SUPT20H: variants seen among roughly 807,000 people sequenced by gnomAD.
The protein encoded by SUPT20H is transcription factor SPT20 homolog.
In SUPT20H, 82 loss-of-function variants were observed where a neutral mutation model predicts 122.8. The ratio of observed to expected loss-of-function variants is 0.67; its 90% CI spans 0.56 to 0.80. The LOEUF (loss-of-function observed/expected upper bound fraction) is 0.80. SUPT20H is among the 30% of genes least tolerant of loss of function. The pLI is 0.00. For missense variants in SUPT20H, 831 were observed against 921.6 expected (o/e 0.90, Z 1.27); for synonymous variants, 291 against 313.0 (o/e 0.93, Z 0.74).
rs746776617 is a variant in SUPT20H, at chr13:37,040,418, T to A, written c.554A>T (p.His185Leu). Residue 185 changes from histidine (H) to leucine (L), a missense_variant, in exon 9 of 26, where the codon CAC becomes CTC. Coordinates refer to ENST00000350612, the MANE Select transcript of SUPT20H (RefSeq NM_001014286.3). The stretch of plus-strand genomic sequence containing the variant: ...AAAACAACTAACCTGGGTCCATTTG[T>A]GGTTATCACTTGTTATTGAATGTAC... ...CDVHSITSDN[H>L]KWTQEDKLLL... 1 of 1,574,098 alleles carries A rather than the reference T, an allele frequency of 6.4e-7. No individual in the cohort carries two copies. The highest frequency in any genetic ancestry group is 8.6e-7 in the Non-Finnish European group (1 of 1,168,246).
chr13:37,041,353 T>C (rs1351447902), intron 7 of SUPT20H, among the ~76,000 whole-genome samples: 1 of 151,818 alleles, frequency 6.6e-6, no homozygotes, highest in Non-Finnish European at 1.5e-5. Context: ...GCGTCTCTAC[T>C]AAAAATACAA....
Position 37,033,368 on chromosome 13 carries a change from C to A in SUPT20H, c.707+81G>T. The A allele has an allele frequency of 2.6e-6, 4 of 1,528,638 alleles. No individual in the cohort carries two copies. The South Asian group carries it at 5.1e-5, about 19-fold the overall frequency. The allele number at this position is 1,528,638 out of a possible 1,614,324, so 94.7% of individuals were successfully genotyped here. On this transcript the variant is annotated intron_variant, in intron 10 of 25. Coordinates refer to ENST00000350612, the MANE Select transcript of SUPT20H (RefSeq NM_001014286.3). ...CCCACCAAAATCGGAGCAACCATAC[C>A]CTGGAGGGAAAAGATACTATAAATA...
chr13:37,022,825 C>A lies in SUPT20H; in HGVS notation c.1592-745G>T. 9.4e-7 allele frequency: 1 copy of A among 1,063,036 alleles called. No individual in the cohort carries two copies. Among genetic ancestry groups the A allele is most frequent in the South Asian group, 2.8e-5 (1 of 35,610 alleles). The allele number at this position is 1,063,036 out of a possible 1,614,324, so 65.9% of individuals were successfully genotyped here. On this transcript the variant is annotated intron_variant, in intron 19 of 25. Coordinates refer to ENST00000350612, the MANE Select transcript of SUPT20H (RefSeq NM_001014286.3). This position sits in a 1 kb window ranked among gnomAD's most constrained non-coding sequence, Gnocchi z 4.5. ...AACACATCAAGTTTATCCTGACAAA[C>A]AAATTTACAAAAAACAGTAATAAAG...
chr13:37,028,352 G>C, intron 13 of SUPT20H, 47 bp from the exon 14 acceptor site: 2 of 1,540,814 alleles, frequency 1.3e-6, no homozygotes, highest in Non-Finnish European at 1.8e-6. Context: ...CAAGTAGGCA[G>C]GCAATAAGAA....
intron 1 of SUPT20H, among the ~76,000 whole-genome samples, chr13:37,055,690 T>A (rs904890275): frequency 9.9e-5 from 15 of 152,140 alleles, no homozygotes; most frequent in Non-Finnish European, 1.9e-4. Flanking sequence ...GCAATACCAT[T>A]CAGGACATAG....
In SUPT20H at chr13:37,021,432, T is replaced by C; in HGVS notation, c.1816+16A>G. ...CTTTAATTTTTTTTAGAGGTTATTA[T>C]TTCCAACATTCTGACCTGCTTGAGA... On this transcript the variant is annotated intron_variant, in intron 21 of 25. Coordinates refer to ENST00000350612, the MANE Select transcript of SUPT20H (RefSeq NM_001014286.3). 6.3e-7 allele frequency: 1 copy of C among 1,581,884 alleles called. No individual in the cohort carries two copies. The highest frequency in any genetic ancestry group is 2.3e-5 in the East Asian group (1 of 44,388).
At chr13:37,056,088 T>C (rs1008867904) in intron 1 of SUPT20H, among the ~76,000 whole-genome samples, 1 of 152,172 alleles carries the variant, frequency 6.6e-6, no homozygotes, top group East Asian at 1.9e-4. Context: ...CCAGTTAGAA[T>C]AGCGATCATT....
chr13:37,057,545 AAG>A (rs1387559231), intron 1 of SUPT20H, among the ~76,000 whole-genome samples: 1 of 148,854 alleles, frequency 6.7e-6, no homozygotes, highest in East Asian at 2.0e-4. Flanking sequence ...AAAAAAAAAA[AAG>A]GAAAGGGCCA....
intron 3 of SUPT20H, 62 bp downstream of exon 3, chr13:37,048,502 A>G: frequency 6.8e-7 from 1 of 1,468,556 alleles, no homozygotes; most frequent in East Asian, 2.4e-5. Context: ...AAATCTCTTA[A>G]AACTGAGCTT....
intron 12 of SUPT20H, 142 bp from the exon 13 acceptor site, chr13:37,029,978 T>G: frequency 8.8e-6 from 5 of 570,654 alleles, no homozygotes; most frequent in Non-Finnish European, 1.4e-5. Context: ...AAATTACCGG[T>G]ATCAACTACT....
At chr13:37,037,029 T>C (rs1349417231) in intron 9 of SUPT20H, among the ~76,000 whole-genome samples, 1 of 151,706 alleles carries the variant, frequency 6.6e-6, no homozygotes, top group Non-Finnish European at 1.5e-5. Flanking sequence ...ATCCTGTCTC[T>C]ACCAAAAATA....
intron 17 of SUPT20H, chr13:37,024,964 T>TG (rs1470812767): frequency 1.7e-5 from 3 of 179,208 alleles, no homozygotes; most frequent in African/African-American, 7.2e-5. Flanking sequence ...TTTTTTGAGA[T>TG]GGAGTCTTGC....
intron 5 of SUPT20H, among the ~76,000 whole-genome samples, chr13:37,045,899 G>A (rs1315539223): frequency 6.6e-6 from 1 of 151,996 alleles, no homozygotes; most frequent in Non-Finnish European, 1.5e-5. Context: ...TAATTGGTAA[G>A]ACGAAGTAAG....
chr13:37,058,366 C>T (rs536814837), intron 1 of SUPT20H, among the ~76,000 whole-genome samples: 9 of 152,160 alleles, frequency 5.9e-5, no homozygotes, highest in Non-Finnish European at 2.9e-5. Flanking sequence ...GATATTACTC[C>T]TACCCTTGAA....
chr13:37,031,941 C>G, intron 10 of SUPT20H, 46 bp from the exon 11 acceptor site: 3 of 1,517,038 alleles, frequency 2.0e-6, no homozygotes, highest in Non-Finnish European at 2.6e-6. Context: ...ATAAAAGAAA[C>G]TCATAATATA....
intron 7 of SUPT20H, among the ~76,000 whole-genome samples, chr13:37,042,339 G>A (rs1305092771): frequency 1.3e-5 from 2 of 152,160 alleles, no homozygotes; most frequent in Non-Finnish European, 2.9e-5. Flanking sequence ...GGAGCTTGGT[G>A]GAATGGCCAT....
chr13:37,047,410 T>G, intron 5 of SUPT20H, 125 bp downstream of exon 5: 1 of 1,077,376 alleles, frequency 9.3e-7, no homozygotes, highest in Non-Finnish European at 1.2e-6. Context: ...CAGAATTGAC[T>G]AGGGTCAGGT....
chr13:37,039,578 TGC>T (rs2138552191), intron 9 of SUPT20H: 1 of 152,336 alleles, frequency 6.6e-6, no homozygotes, highest in African/African-American at 2.4e-5. Context: ...TAGAGACTTC[TGC>T]ACCACAATGC....
At chr13:37,010,707 C>A in intron 24 of SUPT20H, 52 bp from the exon 25 acceptor site, 1 of 1,335,144 alleles carries the variant, frequency 7.5e-7, no homozygotes, top group Non-Finnish European at 1.1e-6. Context: ...TGAAGGCTAC[C>A]AGGGTTAGAA....
Sources: allele counts gnomAD v4.1 joint callset (sites outside exome capture counted in the v4.1 genomes callset), GRCh38; gene constraint gnomAD v4.1.1; non-coding constraint Gnocchi (gnomAD v3.1); transcripts MANE v1.5; gene names NCBI Gene and HGNC (gene_info 2026-07-23, HGNC 2026-07-21).